AP4S1: variants seen among roughly 807,000 people sequenced by gnomAD.
AP4S1 encodes AP-4 complex subunit sigma-1.
AP4S1 carries 23 observed loss-of-function variants against 19.8 expected under a neutral mutation model. That is an observed-to-expected ratio of 1.16 (90% CI 0.84 to 1.65). The LOEUF (loss-of-function observed/expected upper bound fraction) is 1.65, where lower values mean the gene tolerates loss of function less well. AP4S1 is among the 40% of genes most tolerant of loss of function. AP4S1 has a pLI of 0.00. For missense variants in AP4S1, 166 were observed against 172.8 expected (o/e 0.96, Z 0.22); for synonymous variants, 46 against 54.1 (o/e 0.85, Z 0.66).
In AP4S1 at chr14:31,049,136, G is replaced by A. The variant is rs906943103; in HGVS notation, c.-71-16990G>A. 5.3e-5 allele frequency among the ~76,000 whole-genome samples: 8 copies of A among 151,128 alleles called. No individual in the cohort carries two copies. In the South Asian group the frequency reaches 8.4e-4, roughly 16 times the overall value. ...TCTACAAAAATTAGCCAGGCATGCCGGGCGTGGTGGCTCACGCCTGTAATC... is the reference window on the plus strand; with the variant it reads ...TCTACAAAAATTAGCCAGGCATGCCAGGCGTGGTGGCTCACGCCTGTAATC... On this transcript the variant is annotated intron_variant, in intron 1 of 5. Coordinates refer to ENST00000542754, the MANE Select transcript of AP4S1 (RefSeq NM_001128126.3).
rs571583264 is a variant in AP4S1, at chr14:31,080,619, G to A, written c.306+35G>A. On this transcript the variant is annotated intron_variant, in intron 5 of 5. Transcript: ENST00000542754. ...TTCAATACTGTTTTCCACAGTACTT[G>A]GCAAATGCACTCTGGTCCTTATCAG... The A allele has an allele frequency of 1.1e-5, 17 of 1,613,722 alleles. No individual in the cohort carries two copies. The highest frequency in any genetic ancestry group is 8.9e-5 in the East Asian group (4 of 44,878).
chr14:31,086,370 G>A (rs145604237), intron 5 of AP4S1: 12 of 152,246 alleles, frequency 7.9e-5, no homozygotes, highest in South Asian at 4.1e-4. Context: ...AATTTCTTCC[G>A]AGGTATGATG....
At position 31,065,930 on chromosome 14, in the gene AP4S1, A is replaced by T. The variant is rs755773545; in HGVS notation, c.-71-196A>T. ...CTGCCTCGGCCTCCCAAAGTGCTGG[A>T]ATTACAGGCATGAGCCACCACACCC... is the stretch of plus-strand genomic sequence containing the variant. On this transcript the variant is annotated intron_variant, in intron 1 of 5. Coordinates refer to ENST00000542754, the MANE Select transcript of AP4S1 (RefSeq NM_001128126.3). 1.0e-3 allele frequency among the ~76,000 whole-genome samples: 157 copies of T among 152,272 alleles called. 2 individuals are homozygous for T. The highest frequency in any genetic ancestry group is 3.4e-3 in the Middle Eastern group (1 of 294).
At chr14:31,060,478 G>A (rs1317997269) in intron 1 of AP4S1, among the ~76,000 whole-genome samples, 7 of 152,130 alleles carry the variant, frequency 4.6e-5, no homozygotes, top group African/African-American at 1.2e-4. Context: ...CACCTCAGAG[G>A]TAGCCATCCC....
At chr14:31,055,141 A>G (rs1886037642) in intron 1 of AP4S1, among the ~76,000 whole-genome samples, 1 of 150,874 alleles carries the variant, frequency 6.6e-6, no homozygotes, top group South Asian at 2.1e-4. Context: ...ATTACATCTC[A>G]CATTTACATT....
intron 1 of AP4S1, among the ~76,000 whole-genome samples, chr14:31,048,535 T>C (rs1015217729): frequency 7.9e-5 from 12 of 152,000 alleles, no homozygotes; most frequent in African/African-American, 2.9e-4. Flanking sequence ...GAGACCTGCC[T>C]GGACAACATG....
In AP4S1 at chr14:31,093,726, G is replaced by A. The variant is rs1384753189; in HGVS notation, c.*691G>A. The stretch of plus-strand genomic sequence containing the variant: ...CTCCCAGAACGCTGGGATTACAGAT[G>A]AGCCACAGTGCCTGACTTCTGAAGG... On this transcript the variant is annotated 3_prime_UTR_variant, in exon 6 of 6. Transcript: ENST00000542754. The A allele has an allele frequency of 6.6e-6, 1 of 152,142 alleles. No individual in the cohort carries two copies. Among genetic ancestry groups the A allele is most frequent in the Non-Finnish European group, 1.5e-5 (1 of 68,116 alleles). The allele number at this position is 152,142 out of a possible 1,614,324, so 9.4% of individuals were successfully genotyped here. A position where few individuals can be genotyped will look rare whatever the true frequency, so the allele number is the denominator to read the frequency against.
In AP4S1 at chr14:31,059,758, A is replaced by G. The variant is rs117488346; in HGVS notation, c.-71-6368A>G. ...GAGTGAATGGCCACAGGCCTCCCCC[A>G]TGGCACAGCTGTTATATCCCCAGCT... On this transcript the variant is annotated intron_variant, in intron 1 of 5. Coordinates refer to ENST00000542754, the MANE Select transcript of AP4S1 (RefSeq NM_001128126.3). 9.2e-4 allele frequency among the ~76,000 whole-genome samples: 140 copies of G among 152,020 alleles called. No homozygotes were observed. In the East Asian group the frequency reaches 0.017, roughly 19 times the overall value.
chr14:31,053,037 T>C (rs1434162113), intron 1 of AP4S1, among the ~76,000 whole-genome samples: 1 of 145,396 alleles, frequency 6.9e-6, no homozygotes, highest in African/African-American at 2.6e-5. Context: ...GCCTCCTGGG[T>C]TCAAGTGATT....
intron 1 of AP4S1, among the ~76,000 whole-genome samples, chr14:31,056,968 G>A (rs748266064): frequency 1.3e-5 from 2 of 152,132 alleles, no homozygotes; most frequent in Non-Finnish European, 2.9e-5. Flanking sequence ...CAGCTACTTG[G>A]GGGGCTGAGG....
chr14:31,065,366 T>C (rs1448111178), intron 1 of AP4S1, among the ~76,000 whole-genome samples: 1 of 152,194 alleles, frequency 6.6e-6, no homozygotes, highest in Non-Finnish European at 1.5e-5. Flanking sequence ...TGATGTTCCT[T>C]GTCCCTCCCT....
intron 1 of AP4S1, among the ~76,000 whole-genome samples, chr14:31,060,053 A>G (rs557990021): frequency 6.8e-6 from 1 of 147,602 alleles, no homozygotes; most frequent in African/African-American, 2.5e-5. Context: ...ATATATTTAT[A>G]TATTTATGTA....
At chr14:31,055,385 A>G (rs1886050072) in intron 1 of AP4S1, among the ~76,000 whole-genome samples, 1 of 152,208 alleles carries the variant, frequency 6.6e-6, no homozygotes, top group Non-Finnish European at 1.5e-5. Flanking sequence ...GCTAATCCTT[A>G]TGTAGCACTC....
rs753607670 is a variant in AP4S1 at position 31,066,207 on chromosome 14, T to G, written c.11T>G (p.Phe4Cys). 6.2e-7 allele frequency: 1 copy of G among 1,613,820 alleles called. No homozygotes were observed. The highest frequency in any genetic ancestry group is 2.2e-5 in the East Asian group (1 of 44,844). The stretch of plus-strand genomic sequence containing the variant: ...GGCCAGGAAAGAAAAATGATAAAAT[T>G]TTTCCTCATGGTGAATAAACAAGGG... MIKFFLMVNKQGQT... is the reference protein window; with the variant it reads MIKCFLMVNKQGQT... Residue 4 changes from phenylalanine (F) to cysteine (C), a missense_variant, in exon 2 of 6, where the codon TTT (phenylalanine) becomes TGT (cysteine). Phe to Cys is a radical substitution (Grantham distance 205). Transcript: ENST00000542754.
intron 5 of AP4S1, among the ~76,000 whole-genome samples, chr14:31,087,452 G>A (rs934550463): frequency 6.6e-6 from 1 of 152,050 alleles, no homozygotes; most frequent in African/African-American, 2.4e-5. Flanking sequence ...TGTCTCCCAC[G>A]TTCAGGTTAT....
At chr14:31,069,031 A>G (rs1003147215) in intron 2 of AP4S1, among the ~76,000 whole-genome samples, 2 of 152,174 alleles carry the variant, frequency 1.3e-5, no homozygotes, top group Non-Finnish European at 2.9e-5. Flanking sequence ...AGGAATTTCC[A>G]TGGTCAAAAT....
chr14:31,028,863 AAGAG>A (rs1884211711), intron 1 of AP4S1, among the ~76,000 whole-genome samples: 2 of 152,282 alleles, frequency 1.3e-5, no homozygotes, highest in Admixed American at 1.3e-4. Context: ...GCCTGGGTGA[AAGAG>A]AGAGTGAGAT....
rs569383748 is a variant in AP4S1 at position 31,083,237 on chromosome 14, C to A, written c.306+2653C>A. Among the ~76,000 whole-genome samples the A allele has an allele frequency of 3.3e-4, 50 of 152,146 alleles. No homozygotes were observed. The South Asian group carries it at 1.0e-2, about 30-fold the overall frequency. On this transcript the variant is annotated intron_variant, in intron 5 of 5. Transcript: ENST00000542754. Reference sequence around the variant, plus strand: ...TTTTACGTCAAGATACACAATTTTCCCTTCATTTTACCTGGTTTCATTTTC... The same window carrying A: ...TTTTACGTCAAGATACACAATTTTCACTTCATTTTACCTGGTTTCATTTTC...
At chr14:31,077,109 T>C (rs899517077) in intron 4 of AP4S1, among the ~76,000 whole-genome samples, 4 of 152,126 alleles carry the variant, frequency 2.6e-5, no homozygotes, top group Non-Finnish European at 4.4e-5. Context: ...TTTGTATTAT[T>C]AGTAGAGACA....
Sources: gnomAD v4.1 joint callset for allele counts (sites outside exome capture counted in the v4.1 genomes callset) on GRCh38, gnomAD v4.1.1 for gene constraint, MANE v1.5 for transcripts, NCBI Gene and HGNC (gene_info 2026-07-23, HGNC 2026-07-21) for gene names.